Variants in DNM1 observed in about 807,000 individuals in gnomAD.
DNM1 encodes dynamin 1, also known as dynamin-1.
A neutral mutation model predicts 104.6 loss-of-function variants in DNM1; 29 were observed. The ratio of observed to expected loss-of-function variants is 0.28; its 90% CI spans 0.21 to 0.38. The LOEUF (loss-of-function observed/expected upper bound fraction) is 0.38. Ranked by LOEUF, DNM1 falls within the 10% of genes least tolerant of loss-of-function variation. DNM1 has a pLI of 1.00. For missense variants in DNM1, 640 were observed against 1,189.4 expected, an observed-to-expected ratio of 0.54 and a Z score of 6.79; for synonymous variants, 445 against 475.8, an observed-to-expected ratio of 0.94 and a Z score of 0.84.
At position 128,254,572 on chromosome 9, in the gene DNM1, C is replaced by G; in HGVS notation, c.2535-82C>G. On this transcript the variant is annotated intron_variant, in intron 21 of 21. Transcript: ENST00000372923. The surrounding 1 kb of genome is among the most constrained non-coding windows in gnomAD (Gnocchi z 6.1). ...ACCACTGCTGCGGCGCGGCCGGCCC[C>G]GGCCGTGTGCTGCGCTTGCCTTACC... The G allele has an allele frequency of 6.3e-7, 1 of 1,588,804 alleles. No homozygotes were observed. The highest frequency in any genetic ancestry group is 8.5e-7 in the Non-Finnish European group (1 of 1,174,370).
chr9:128,212,058 C>T (rs1355714928), intron 1 of DNM1, among the ~76,000 whole-genome samples: 2 of 152,336 alleles, frequency 1.3e-5, no homozygotes, highest in South Asian at 2.1e-4. Context: ...AACCTGGGTC[C>T]CCATTTCAAA....
At chr9:128,251,685 G>GTGGCGGCAGGGGCAGGGA (rs1829542579) in intron 21 of DNM1, 1 of 152,816 alleles carries the variant, frequency 6.5e-6, no homozygotes, top group Non-Finnish European at 1.5e-5. Context: ...TGTGGTAGGG[G>GTGGCGGCAGGGGCAGGGA]TGGCGGCAGG....
intron 11 of DNM1, among the ~76,000 whole-genome samples, chr9:128,235,589 C>A (rs13285411): frequency 0.16 from 24,883 of 152,098 alleles, 2,334 homozygotes; most frequent in East Asian, 0.33. Context: ...TTTTTCCTAC[C>A]TTTTGGCCAT....
chr9:128,220,611 A>T lies in DNM1; in HGVS notation c.849+270A>T, dbSNP rs1172519539. Among the ~76,000 whole-genome samples, 1 of 152,070 alleles carries T rather than the reference A, an allele frequency of 6.6e-6. No individual in the cohort carries two copies. Among genetic ancestry groups the T allele is most frequent in the Non-Finnish European group, 1.5e-5 (1 of 68,002 alleles). On this transcript the variant is annotated intron_variant, in intron 6 of 21. Coordinates refer to ENST00000372923, the MANE Select transcript of DNM1 (RefSeq NM_004408.4). This position sits in a 1 kb window ranked among gnomAD's most constrained non-coding sequence, Gnocchi z 5.2. Reference sequence around the variant, plus strand: ...GACCTATGTGGAGGGTGTCATGGGGAAGAGCTTGGGTTTGGGGGCCAGGAT... The same window carrying T: ...GACCTATGTGGAGGGTGTCATGGGGTAGAGCTTGGGTTTGGGGGCCAGGAT...
In DNM1 at chr9:128,222,770, C is replaced by T; in HGVS notation, c.1129-23C>T. Reference sequence around the variant, plus strand: ...GGTAGTAGGACAGGCCCTGACCAGGCTTTTCTCTGCTTTTCTACACAGATG... The same window carrying T: ...GGTAGTAGGACAGGCCCTGACCAGGTTTTTCTCTGCTTTTCTACACAGATG... On this transcript the variant is annotated intron_variant, in intron 8 of 21. Transcript: ENST00000372923. The surrounding 1 kb of genome is among the most constrained non-coding windows in gnomAD (Gnocchi z 7.8). The T allele has an allele frequency of 1.2e-6, 2 of 1,613,874 alleles. No homozygotes were observed. Among genetic ancestry groups the T allele is most frequent in the Non-Finnish European group, 8.5e-7 (1 of 1,179,816 alleles).
At position 128,253,033 on chromosome 9, in the gene DNM1, TC is replaced by T; in HGVS notation, c.2535-1616del. The T allele has an allele frequency of 6.6e-7, 1 of 1,518,834 alleles. No individual in the cohort carries two copies. 94.1% of individuals were successfully genotyped at this position (1,518,834 alleles called of 1,614,324 possible). On this transcript the variant is annotated intron_variant, in intron 21 of 21. Transcript: ENST00000372923. The surrounding 1 kb of genome is among the most constrained non-coding windows in gnomAD (Gnocchi z 5.9). ...ACGCCCGGGCGTGTGCGTGTGTGTG[TC>T]CCCCACCCCCAGGCCGGCCCCACCC... is the stretch of plus-strand genomic sequence containing the variant.
Position 128,203,476 on chromosome 9 carries a change from C to T in DNM1, c.6C>T (p.Gly2=), listed in dbSNP as rs1833612492. 2.0e-6 allele frequency: 3 copies of T among 1,506,060 alleles called. No individual in the cohort carries two copies. Among genetic ancestry groups the T allele is most frequent in the Non-Finnish European group, 2.7e-6 (3 of 1,129,306 alleles). 93.3% of individuals were successfully genotyped at this position (1,506,060 alleles called of 1,614,324 possible). A position where few individuals can be genotyped will look rare whatever the true frequency, so the allele number is the denominator to read the frequency against. M[G]NRGMEDLIPL... ...CTGCGGGGCCCGCCGCAGCCATGGG[C>T]AACCGCGGCATGGAAGATCTCATCC... Residue 2 remains glycine, a synonymous_variant, in exon 1 of 22, where the codon GGC becomes GGT. Transcript: ENST00000372923. The surrounding 1 kb of genome is among the most constrained non-coding windows in gnomAD (Gnocchi z 5.3).
chr9:128,216,186 C>T (rs549924011), intron 1 of DNM1, among the ~76,000 whole-genome samples: 2 of 152,164 alleles, frequency 1.3e-5, no homozygotes, highest in Non-Finnish European at 2.9e-5. Flanking sequence ...CCCCAGAGCC[C>T]GGCACAGGGC....
At chr9:128,251,438 G>A (rs1163262791) in intron 21 of DNM1, 1 of 272,134 alleles carries the variant, frequency 3.7e-6, no homozygotes, top group Non-Finnish European at 7.4e-6. Context: ...GCCATCCCAG[G>A]GGGTGTCCAG....
chr9:128,206,305 A>G (rs1833969777), intron 1 of DNM1, among the ~76,000 whole-genome samples: 1 of 152,232 alleles, frequency 6.6e-6, no homozygotes, highest in African/African-American at 2.4e-5. Context: ...GTAGCCTTGC[A>G]GCTGCCTGGG....
rs1214796487 is a variant in DNM1 at position 128,220,934 on chromosome 9, T to TTTC, written c.849+595_849+596insCTT. 1.9e-3 allele frequency among the ~76,000 whole-genome samples: 153 copies of TTTC among 82,040 alleles called. No individual in the cohort carries two copies. Among genetic ancestry groups the TTTC allele is most frequent in the East Asian group, 2.4e-3 (6 of 2,520 alleles). 53.8% of individuals were successfully genotyped at this position (82,040 alleles called of 152,430 possible). On this transcript the variant is annotated intron_variant, in intron 6 of 21. Transcript: ENST00000372923. This position sits in a 1 kb window ranked among gnomAD's most constrained non-coding sequence, Gnocchi z 5.2. ...CTTTCTTTCTTTCTTTCTTTCTTTC[T>TTTC]TTTCTTTTCTTTCTTTCTTTCCTTT...
chr9:128,253,238 C>G lies in DNM1; in HGVS notation c.2535-1416C>G. On this transcript the variant is annotated intron_variant, in intron 21 of 21. Coordinates refer to ENST00000372923, the MANE Select transcript of DNM1 (RefSeq NM_004408.4). This position sits in a 1 kb window ranked among gnomAD's most constrained non-coding sequence, Gnocchi z 5.9. Reference sequence around the variant, plus strand: ...CCTGGGACCTCAGAGCCAGGCTCCCCGCCCCTCCCTTCTGCAGCTGCAGAC... The same window carrying G: ...CCTGGGACCTCAGAGCCAGGCTCCCGGCCCCTCCCTTCTGCAGCTGCAGAC... 2 of 1,119,894 alleles carry G rather than the reference C, an allele frequency of 1.8e-6. No homozygotes were observed. The highest frequency in any genetic ancestry group is 2.6e-6 in the Non-Finnish European group (2 of 761,412). 69.4% of individuals were successfully genotyped at this position (1,119,894 alleles called of 1,614,324 possible).
intron 1 of DNM1, among the ~76,000 whole-genome samples, chr9:128,209,256 C>A (rs942854689): frequency 1.3e-5 from 2 of 152,194 alleles, no homozygotes; most frequent in African/African-American, 2.4e-5. Flanking sequence ...CAAACCCACA[C>A]CCCACCGTGG....
chr9:128,229,322 G>A (rs1408383011), intron 10 of DNM1, among the ~76,000 whole-genome samples: 5 of 150,688 alleles, frequency 3.3e-5, no homozygotes, highest in African/African-American at 1.2e-4. Flanking sequence ...TTGAACCAAG[G>A]AGTTCAGTTG....
intron 10 of DNM1, among the ~76,000 whole-genome samples, chr9:128,231,537 A>T (rs1020374457): frequency 6.6e-6 from 1 of 151,624 alleles, no homozygotes; most frequent in Admixed American, 6.6e-5. Flanking sequence ...GATCATAATT[A>T]TTTTTTTCCT....
intron 1 of DNM1, among the ~76,000 whole-genome samples, chr9:128,211,460 G>T (rs963276775): frequency 6.9e-6 from 1 of 144,506 alleles, no homozygotes; most frequent in Non-Finnish European, 1.5e-5. Context: ...CTGTTCTCTC[G>T]CCTGGAAGCC....
Position 128,243,059 on chromosome 9 carries a change from C to T in DNM1, c.1671+714C>T, listed in dbSNP as rs1221601118. Among the ~76,000 whole-genome samples the T allele has an allele frequency of 2.6e-5, 4 of 152,180 alleles. No homozygotes were observed. The highest frequency in any genetic ancestry group is 6.3e-3 in the Middle Eastern group (2 of 316). The stretch of plus-strand genomic sequence containing the variant: ...GCCAGACACCCGGTTAACCCCTGCA[C>T]CCCAGTCCCCTAGACCCCTGCAGTC... On this transcript the variant is annotated intron_variant, in intron 15 of 21. Coordinates refer to ENST00000372923, the MANE Select transcript of DNM1 (RefSeq NM_004408.4). This position sits in a 1 kb window ranked among gnomAD's most constrained non-coding sequence, Gnocchi z 4.0.
chr9:128,246,299 T>A, intron 15 of DNM1, 95 bp from the exon 16 acceptor site: 1 of 878,578 alleles, frequency 1.1e-6, no homozygotes, highest in South Asian at 1.4e-5. Context: ...GGCTGATGCT[T>A]AGAAGCCCTG....
rs1564329001 is a variant in DNM1 at position 128,219,335 on chromosome 9, G to A, written c.589+83G>A. On this transcript the variant is annotated intron_variant, in intron 4 of 21. Transcript: ENST00000372923. ...TTAGTGTAAAGGGGAGCCTCTGAAC[G>A]GTCTAAGAATAGCGGTGGGATCAGA... is the stretch of plus-strand genomic sequence containing the variant. The A allele has an allele frequency of 3.2e-6, 4 of 1,260,450 alleles. No homozygotes were observed. The East Asian group carries it at 7.0e-5, about 22-fold the overall frequency. The allele number at this position is 1,260,450 out of a possible 1,614,324, so 78.1% of individuals were successfully genotyped here.
Sources: allele counts gnomAD v4.1 joint callset (sites outside exome capture counted in the v4.1 genomes callset), GRCh38; gene constraint gnomAD v4.1.1; non-coding constraint Gnocchi (gnomAD v3.1); transcripts MANE v1.5; gene names NCBI Gene and HGNC (gene_info 2026-07-23, HGNC 2026-07-21).